LRP2: variants seen among roughly 807,000 people sequenced by gnomAD.
LRP2 encodes low-density lipoprotein receptor-related protein 2.
A neutral mutation model predicts 531.0 loss-of-function variants in LRP2; 172 were observed. The ratio of observed to expected loss-of-function variants is 0.32; its 90% confidence interval spans 0.29 to 0.37. LRP2 has a LOEUF of 0.37. Ranked by LOEUF, LRP2 falls within the 10% of genes least tolerant of loss-of-function variation. LRP2 has a pLI of 1.00. For synonymous variants in LRP2, 1,992 were observed against 2,027.6 expected (o/e 0.98, Z 0.47); for missense variants, 5,167 against 5,868.3 (o/e 0.88, Z 3.90).
At position 169,270,902 on chromosome 2, in the gene LRP2, A is replaced by G; in HGVS notation, c.2320+2T>C. On this transcript the variant is annotated splice_donor_variant, in intron 16 of 78. Transcript: ENST00000649046. LOFTEE classifies it high-confidence loss of function. ...ACACACACACACACAAACCTTTCTC[A>G]CCTGTGCCATCAATCTTTTGCTTAA... 6.2e-7 allele frequency: 1 copy of G among 1,611,736 alleles called. No individual in the cohort carries two copies. Among genetic ancestry groups the G allele is most frequent in the Non-Finnish European group, 8.5e-7 (1 of 1,178,828 alleles).
intron 1 of LRP2, among the ~76,000 whole-genome samples, chr2:169,350,006 T>C (rs1685803541): frequency 6.6e-6 from 1 of 152,180 alleles, no homozygotes; most frequent in African/African-American, 2.4e-5. Flanking sequence ...ATGGAAGCCA[T>C]TGCAATCGTC....
chr2:169,173,878 C>A, intron 56 of LRP2, 41 bp downstream of exon 56: 1 of 1,613,052 alleles, frequency 6.2e-7, no homozygotes, highest in Non-Finnish European at 8.5e-7. Context: ...CCTCGTGTCT[C>A]CCTGCTCTGG....
Position 169,177,683 on chromosome 2 carries a change from G to A in LRP2, c.10393+120C>T, listed in dbSNP as rs1459684303. On this transcript the variant is annotated intron_variant, in intron 53 of 78. Coordinates refer to ENST00000649046, the MANE Select transcript of LRP2 (RefSeq NM_004525.3). Reference sequence around the variant, plus strand: ...ACTGTCAACTTTCAGCATATGCTTTGAAGAAAACACTAACAAGTGCAACAA... The same window carrying A: ...ACTGTCAACTTTCAGCATATGCTTTAAAGAAAACACTAACAAGTGCAACAA... 4.6e-6 allele frequency: 4 copies of A among 876,876 alleles called. No homozygotes were observed. In the Admixed American group the frequency reaches 6.8e-5, roughly 15 times the overall value. 54.3% of individuals were successfully genotyped at this position (876,876 alleles called of 1,614,324 possible). A position where few individuals can be genotyped will look rare whatever the true frequency, so the allele number is the denominator to read the frequency against.
At chr2:169,147,937 T>C (rs1205325774) in intron 68 of LRP2, among the ~76,000 whole-genome samples, 2 of 114,264 alleles carry the variant, frequency 1.8e-5, no homozygotes, top group Middle Eastern at 4.1e-3. Flanking sequence ...GTCAGCACTA[T>C]GTTAAAAAAA....
At chr2:169,212,229 T>C in intron 36 of LRP2, 22 bp from the exon 37 acceptor site, 3 of 1,613,898 alleles carry the variant, frequency 1.9e-6, no homozygotes, top group Non-Finnish European at 1.7e-6. Flanking sequence ...CAAAATCCAT[T>C]TGTAACTTTT....
At chr2:169,136,546 A>G (rs1268296129) in intron 76 of LRP2, among the ~76,000 whole-genome samples, 1 of 151,856 alleles carries the variant, frequency 6.6e-6, no homozygotes, top group Non-Finnish European at 1.5e-5. Flanking sequence ...AGAAGTGAAA[A>G]TGGCCGGTCC....
At chr2:169,348,970 G>A (rs1685770822) in intron 1 of LRP2, among the ~76,000 whole-genome samples, 1 of 152,172 alleles carries the variant, frequency 6.6e-6, no homozygotes, top group Non-Finnish European at 1.5e-5. Context: ...CCAGGGAATG[G>A]TGATGAGCTG....
intron 10 of LRP2, among the ~76,000 whole-genome samples, chr2:169,281,516 C>T (rs2105452496): frequency 6.6e-6 from 1 of 152,052 alleles, no homozygotes; most frequent in East Asian, 1.9e-4. Flanking sequence ...GTCAGGAGAT[C>T]AAGACCATCC....
At position 169,197,800 on chromosome 2, in the gene LRP2, T is replaced by C. The variant is rs73971313; in HGVS notation, c.8579-770A>G. ...CTGGTGGCTGCAACCTGAATTCTGCTTCCTTGTGCTGCTGTTATTACAACA... is the reference window on the plus strand; with the variant it reads ...CTGGTGGCTGCAACCTGAATTCTGCCTCCTTGTGCTGCTGTTATTACAACA... On this transcript the variant is annotated intron_variant, in intron 45 of 78. Coordinates refer to ENST00000649046, the MANE Select transcript of LRP2 (RefSeq NM_004525.3). 8.0e-3 allele frequency among the ~76,000 whole-genome samples: 1,219 copies of C among 152,320 alleles called. 15 individuals are homozygous for C. The highest frequency in any genetic ancestry group is 0.028 in the African/African-American group (1,167 of 41,564).
chr2:169,219,607 G>T (rs971360341), intron 34 of LRP2, among the ~76,000 whole-genome samples: 2 of 152,110 alleles, frequency 1.3e-5, no homozygotes, highest in Admixed American at 6.6e-5. Context: ...AATACCACAT[G>T]TTCTGACTTA....
At position 169,206,326 on chromosome 2, in the gene LRP2, T is replaced by C. The variant is rs1174463089; in HGVS notation, c.7390+4A>G. The C allele has an allele frequency of 6.2e-7, 1 of 1,613,986 alleles. No individual in the cohort carries two copies. Among genetic ancestry groups the C allele is most frequent in the South Asian group, 1.1e-5 (1 of 91,070 alleles). ...AGGACAAGCAGCACCTGGAGTGCAC[T>C]TACCTGAAGCAATGACAGTTGGAGT... On this transcript the variant is annotated splice_donor_region_variant and intron_variant, in intron 39 of 78. Coordinates refer to ENST00000649046, the MANE Select transcript of LRP2 (RefSeq NM_004525.3).
In LRP2 at chr2:169,283,021, C is replaced by T. The variant is rs1457882035; in HGVS notation, c.1043-20G>A. ...CAAACTCTGCCATATGGAAAATACA[C>T]ATTTGTAGTCAAGGTTATCAGCATT... On this transcript the variant is annotated intron_variant, in intron 9 of 78. Transcript: ENST00000649046. 4 of 1,613,346 alleles carry T rather than the reference C, an allele frequency of 2.5e-6. No individual in the cohort carries two copies. The highest frequency in any genetic ancestry group is 2.7e-5 in the African/African-American group (2 of 74,904).
At chr2:169,328,939 G>T (rs831023) in intron 1 of LRP2, among the ~76,000 whole-genome samples, 9,063 of 152,290 alleles carry the variant, frequency 0.06, 375 homozygotes, top group Non-Finnish European at 0.088. Flanking sequence ...TTGTGAGATG[G>T]TATCAATGGC....
At chr2:169,263,200 C>G (rs1322808585) in intron 16 of LRP2, among the ~76,000 whole-genome samples, 1 of 152,098 alleles carries the variant, frequency 6.6e-6, no homozygotes, top group Non-Finnish European at 1.5e-5. Context: ...GACTTCATGT[C>G]TAAAACACCA....
At chr2:169,287,537 G>A (rs1683889951) in intron 9 of LRP2, among the ~76,000 whole-genome samples, 8 of 152,078 alleles carry the variant, frequency 5.3e-5, no homozygotes. Context: ...GTAGTTTTCA[G>A]TAACGCTGAG....
At chr2:169,326,461 G>A (rs1403027063) in intron 1 of LRP2, among the ~76,000 whole-genome samples, 1 of 151,492 alleles carries the variant, frequency 6.6e-6, no homozygotes, top group Non-Finnish European at 1.5e-5. Flanking sequence ...CGAGTGATCC[G>A]CCAGCCTTGG....
intron 61 of LRP2, among the ~76,000 whole-genome samples, chr2:169,167,424 C>T (rs1574089439): frequency 6.6e-6 from 1 of 152,118 alleles, no homozygotes; most frequent in African/African-American, 2.4e-5. Context: ...GAGTGCTTCT[C>T]CAGGTCTTGT....
At position 169,233,607 on chromosome 2, in the gene LRP2, C is replaced by T. The variant is rs1444127102; in HGVS notation, c.4921-19G>A. ...GTATAATCTGTGAGGCAGAAGAGAA[C>T]AGTGAGACCTCATCCAAAAATCAAA... On this transcript the variant is annotated intron_variant, in intron 29 of 78. Transcript: ENST00000649046. 2 of 1,612,904 alleles carry T rather than the reference C, an allele frequency of 1.2e-6. No homozygotes were observed. The highest frequency in any genetic ancestry group is 2.7e-5 in the African/African-American group (2 of 74,878).
At chr2:169,202,560 T>C (rs1003711329) in intron 43 of LRP2, among the ~76,000 whole-genome samples, 196 bp downstream of exon 43, 16 of 152,326 alleles carry the variant, frequency 1.1e-4, no homozygotes, top group African/African-American at 3.4e-4. Flanking sequence ...AGGATGATGA[T>C]TGTGCTTGTG....
Sources: gnomAD v4.1 joint callset for allele counts (sites outside exome capture counted in the v4.1 genomes callset) on GRCh38, gnomAD v4.1.1 for gene constraint, MANE v1.5 for transcripts, NCBI Gene and HGNC (gene_info 2026-07-23, HGNC 2026-07-21) for gene names.